Variants in ERG observed in about 807,000 individuals in gnomAD.
ERG encodes the protein ETS transcription factor ERG.
A neutral mutation model predicts 55.3 loss-of-function variants in ERG; 9 were observed. The ratio of observed to expected loss-of-function variants is 0.16; its 90% confidence interval spans 0.10 to 0.28. The LOEUF (loss-of-function observed/expected upper bound fraction) is 0.28, where lower values mean the gene tolerates loss of function less well. Among genes scored for constraint, ERG ranks in the 10% least tolerant of loss-of-function variants. The probability of loss-of-function intolerance (pLI) is 1.00; values close to 1 mark genes in which losing one functional copy is unlikely to be tolerated. For synonymous variants in ERG, 223 were observed against 237.3 expected (o/e 0.94, Z 0.55); for missense variants, 434 against 631.6 (o/e 0.69, Z 3.35).
intron 2 of ERG, among the ~76,000 whole-genome samples, chr21:38,564,859 T>A (rs546671941): frequency 6.6e-6 from 1 of 152,134 alleles, no homozygotes; most frequent in Non-Finnish European, 1.5e-5. Context: ...CCCTAGGTGA[T>A]CTCACCTAGT....
Position 38,382,170 on chromosome 21 carries a change from C to A in ERG, c.*1233G>T, listed in dbSNP as rs1451832717. 2.4e-5 allele frequency: 25 copies of A among 1,049,530 alleles called. No individual in the cohort carries two copies. Among genetic ancestry groups the A allele is most frequent in the Non-Finnish European group, 2.8e-5 (24 of 869,726 alleles). The allele number at this position is 1,049,530 out of a possible 1,614,324, so 65.0% of individuals were successfully genotyped here. ...ATCGATTGTCTCTTTTGTCGTGTGT[C>A]TTTGGCTGGCCGAGATCAACTCGTA... is the stretch of plus-strand genomic sequence containing the variant. On this transcript the variant is annotated 3_prime_UTR_variant, in exon 10 of 10. Transcript: ENST00000288319.
chr21:38,416,861 A>C (rs1989301914), intron 3 of ERG, among the ~76,000 whole-genome samples: 1 of 152,238 alleles, frequency 6.6e-6, no homozygotes, highest in African/African-American at 2.4e-5. Context: ...GGACAAGGAC[A>C]CCGGGTGGTG....
intron 2 of ERG, among the ~76,000 whole-genome samples, chr21:38,554,790 T>G (rs1422928310): frequency 2.7e-5 from 4 of 150,646 alleles, no homozygotes; most frequent in Non-Finnish European, 5.9e-5. Flanking sequence ...TTTACCCACG[T>G]AACAAACGTA....
At chr21:38,436,013 TTTTTTTC>T (rs892746487) in intron 2 of ERG, among the ~76,000 whole-genome samples, 3 of 99,398 alleles carry the variant, frequency 3.0e-5, no homozygotes, top group South Asian at 3.2e-4. Context: ...TTTTACTTTC[TTTTTTTC>T]TTTTTTTTTT....
chr21:38,604,606 C>T lies in ERG; in HGVS notation c.-149-19661G>A, dbSNP rs922398065. Among the ~76,000 whole-genome samples the T allele has an allele frequency of 3.3e-4, 50 of 152,322 alleles. 1 individual carries two copies. Among genetic ancestry groups the T allele is most frequent in the Admixed American group, 5.9e-4 (9 of 15,306 alleles). On this transcript the variant is annotated intron_variant, in intron 1 of 10. Coordinates refer to the ERG transcript ENST00000398910. ...TACCTACCAAAGCATAAACATTTAT[C>T]TCTACAGATATTACAGTATGCCTTT...
intron 2 of ERG, among the ~76,000 whole-genome samples, chr21:38,510,606 C>G (rs546307984): frequency 6.6e-6 from 1 of 152,192 alleles, no homozygotes; most frequent in Admixed American, 6.5e-5. Context: ...TAGGGCTATA[C>G]ATACCTTGTG....
chr21:38,551,564 T>C (rs1451041492), intron 2 of ERG, among the ~76,000 whole-genome samples: 1 of 152,236 alleles, frequency 6.6e-6, no homozygotes, highest in Non-Finnish European at 1.5e-5. Context: ...TTTTCATTTG[T>C]TTCAAATAAT....
rs531487743 is a variant in ERG at position 38,410,562 on chromosome 21, T to C, written c.389-6853A>G. Among the ~76,000 whole-genome samples, 458 of 151,744 alleles carry C rather than the reference T, an allele frequency of 3.0e-3. 1 individual carries two copies. The highest frequency in any genetic ancestry group is 5.3e-3 in the Non-Finnish European group (361 of 67,896). On this transcript the variant is annotated intron_variant, in intron 3 of 9. Coordinates refer to ENST00000288319, the MANE Select transcript of ERG (RefSeq NM_182918.4). ...CTGTTAATGTACTCTGTATGTGGAGTGGGAGTGGGGGTATAAGCAGTGGGA... is the reference window on the plus strand; with the variant it reads ...CTGTTAATGTACTCTGTATGTGGAGCGGGAGTGGGGGTATAAGCAGTGGGA...
chr21:38,398,775 G>C (rs1165959497), intron 6 of ERG, among the ~76,000 whole-genome samples: 2 of 152,208 alleles, frequency 1.3e-5, no homozygotes. Context: ...CAGCTGGCTT[G>C]TCTGACAGAG....
chr21:38,537,456 G>A (rs1427348443), intron 2 of ERG, among the ~76,000 whole-genome samples: 2 of 149,506 alleles, frequency 1.3e-5, no homozygotes, highest in Non-Finnish European at 3.0e-5. Flanking sequence ...ATATATATAT[G>A]TATATAACCT....
chr21:38,390,597 G>A (rs1987927642), intron 9 of ERG, among the ~76,000 whole-genome samples: 1 of 152,162 alleles, frequency 6.6e-6, no homozygotes, highest in African/African-American at 2.4e-5. Context: ...GGAGATGATG[G>A]CTATCTGTAA....
At position 38,498,272 on chromosome 21, in the gene ERG, C is replaced by T. The variant is rs2059396150; in HGVS notation, c.18+91G>A. On this transcript the variant is annotated intron_variant, in intron 1 of 9. Transcript: ENST00000288319. The surrounding 1 kb of genome is among the most constrained non-coding windows in gnomAD (Gnocchi z 4.6). ...CTATTGTGGCAGTGGGGGTGTTGCCCAACCCTAACTTATCTGCCTTGATAA... is the reference window on the plus strand; with the variant it reads ...CTATTGTGGCAGTGGGGGTGTTGCCTAACCCTAACTTATCTGCCTTGATAA... The T allele has an allele frequency of 4.3e-6, 5 of 1,160,622 alleles. 1 individual carries two copies. In the African/African-American group the frequency reaches 7.7e-5, roughly 18 times the overall value. 71.9% of individuals were successfully genotyped at this position (1,160,622 alleles called of 1,614,324 possible).
At chr21:38,420,153 G>A (rs1026172619) in intron 3 of ERG, among the ~76,000 whole-genome samples, 2 of 151,960 alleles carry the variant, frequency 1.3e-5, no homozygotes, top group African/African-American at 4.8e-5. Flanking sequence ...TGCACACATG[G>A]GGTACTCCGT....
At chr21:38,418,302 T>TGTGC (rs1569081587) in intron 3 of ERG, among the ~76,000 whole-genome samples, 3 of 151,650 alleles carry the variant, frequency 2.0e-5, no homozygotes, top group African/African-American at 7.3e-5. Flanking sequence ...TGTGTGTGTG[T>TGTGC]CTGGGAAAGG....
At chr21:38,635,459 C>CA (rs1360952984) in intron 1 of ERG, among the ~76,000 whole-genome samples, 11 of 151,660 alleles carry the variant, frequency 7.3e-5, no homozygotes, top group Admixed American at 2.6e-4. Flanking sequence ...TCTGAGATAC[C>CA]AAAAAACACC....
intron 1 of ERG, among the ~76,000 whole-genome samples, chr21:38,458,841 G>A (rs777052063): frequency 6.6e-6 from 1 of 152,118 alleles, no homozygotes; most frequent in Non-Finnish European, 1.5e-5. Context: ...CAACCTTGCC[G>A]TCTGGTTCTG....
intron 2 of ERG, among the ~76,000 whole-genome samples, chr21:38,525,060 G>C (rs1183310283): frequency 6.6e-6 from 1 of 152,226 alleles, no homozygotes; most frequent in African/African-American, 2.4e-5. Flanking sequence ...ATTGGAAAGA[G>C]TAGGGGTAGA....
At chr21:38,518,917 G>A (rs971732100) in intron 2 of ERG, among the ~76,000 whole-genome samples, 7 of 152,278 alleles carry the variant, frequency 4.6e-5, no homozygotes, top group African/African-American at 1.7e-4. Context: ...TCCAGAATAT[G>A]TAAAGAACCC....
chr21:38,487,882 C>T (rs2059301109), intron 1 of ERG, among the ~76,000 whole-genome samples: 1 of 152,194 alleles, frequency 6.6e-6, no homozygotes, highest in African/African-American at 2.4e-5. Context: ...TGGGCAATTT[C>T]ACTTCAATTC....
Sources: allele counts gnomAD v4.1 joint callset (sites outside exome capture counted in the v4.1 genomes callset), GRCh38; gene constraint gnomAD v4.1.1; non-coding constraint Gnocchi (gnomAD v3.1); transcripts MANE v1.5; gene names NCBI Gene and HGNC (gene_info 2026-07-23, HGNC 2026-07-21).